The following LARP1B variants were observed in gnomAD, a reference collection of about 807,000 sequenced individuals.
LARP1B encodes the protein La ribonucleoprotein 1B.
A neutral mutation model predicts 114.2 loss-of-function variants in LARP1B; 76 were observed. The ratio of observed to expected loss-of-function variants is 0.67; its 90% CI spans 0.55 to 0.81. LARP1B has a LOEUF of 0.81. Ranked by LOEUF, LARP1B falls within the 30% of genes least tolerant of loss-of-function variation. LARP1B has a pLI of 0.00. For missense variants in LARP1B, 1,014 were observed against 1,075.8 expected (o/e 0.94, Z 0.80); for synonymous variants, 345 against 348.0 (o/e 0.99, Z 0.10).
At chr4:128,060,859 G>T (rs934821258), upstream of LARP1B, among the ~76,000 whole-genome samples, 1 of 152,204 alleles carries the variant, frequency 6.6e-6, no homozygotes, top group African/African-American at 2.4e-5. Flanking sequence ...ACTTCACTTG[G>T]GAGCTGCCCC....
chr4:128,161,380 A>G (rs368799251), intron 11 of LARP1B, among the ~76,000 whole-genome samples: 1 of 152,292 alleles, frequency 6.6e-6, no homozygotes, highest in African/African-American at 2.4e-5. Flanking sequence ...AGCCTCCAGA[A>G]CCCCAGAGGC....
intron 12 of LARP1B, among the ~76,000 whole-genome samples, chr4:128,162,850 C>T (rs991389661): frequency 3.3e-5 from 5 of 152,114 alleles, no homozygotes; most frequent in African/African-American, 9.7e-5. Flanking sequence ...ACCTGCTATA[C>T]TTAATCATCT....
chr4:128,083,274 C>T (rs1771381119), intron 5 of LARP1B, among the ~76,000 whole-genome samples: 1 of 152,076 alleles, frequency 6.6e-6, no homozygotes, highest in Non-Finnish European at 1.5e-5. Flanking sequence ...CCTTTCCCCC[C>T]TTTCTATTCC....
downstream of LARP1B, among the ~76,000 whole-genome samples, chr4:128,212,149 G>C (rs559708451): frequency 5.3e-5 from 8 of 151,968 alleles, no homozygotes; most frequent in Admixed American, 4.6e-4. Flanking sequence ...CTGGTCTCAA[G>C]TGATCCACCT....
intron 7 of LARP1B, 36 bp from the exon 8 acceptor site, chr4:128,098,150 T>C (rs1778757289): frequency 4.0e-6 from 6 of 1,492,050 alleles, no homozygotes; most frequent in Non-Finnish European, 5.6e-6. Flanking sequence ...TATTTCCTAC[T>C]AAATAAATGG....
At chr4:128,204,167 C>G (rs973709239) in intron 17 of LARP1B, among the ~76,000 whole-genome samples, 1 of 151,732 alleles carries the variant, frequency 6.6e-6, no homozygotes, top group African/African-American at 2.4e-5. Context: ...CTATATTCCT[C>G]TAAAATATGA....
At chr4:128,150,625 T>G (rs767340247) in intron 11 of LARP1B, among the ~76,000 whole-genome samples, 1 of 151,928 alleles carries the variant, frequency 6.6e-6, no homozygotes, top group East Asian at 1.9e-4. Context: ...TGACTTCTTA[T>G]TTTAAGGCAG....
chr4:128,158,283 G>T (rs1348661798), intron 11 of LARP1B, among the ~76,000 whole-genome samples: 2 of 152,084 alleles, frequency 1.3e-5, no homozygotes, highest in Admixed American at 1.3e-4. Context: ...AATCAGTAAG[G>T]TTATACAAAA....
chr4:128,108,799 G>C (rs562843335), intron 9 of LARP1B: 2 of 984,702 alleles, frequency 2.0e-6, no homozygotes, highest in East Asian at 2.3e-4. Context: ...AGATAAAATA[G>C]CATATACTTT....
intron 7 of LARP1B, chr4:128,220,492 A>G: frequency 1.4e-5 from 3 of 209,528 alleles, no homozygotes; most frequent in Non-Finnish European, 2.5e-5. Flanking sequence ...TGGTGATATC[A>G]TATAATTATA....
intron 15 of LARP1B, among the ~76,000 whole-genome samples, chr4:128,196,533 T>G (rs149598349): frequency 3.9e-4 from 59 of 150,692 alleles, no homozygotes; most frequent in African/African-American, 1.4e-3. Context: ...AAATAAAAAG[T>G]AAAAAAGAAT....
At chr4:128,067,750 C>T (rs1037148869) in intron 1 of LARP1B, among the ~76,000 whole-genome samples, 26 of 151,200 alleles carry the variant, frequency 1.7e-4, no homozygotes, top group Non-Finnish European at 1.0e-4. Flanking sequence ...GCCTTGCTCT[C>T]GTCGCTCAAG....
rs1747572345 is a variant in LARP1B, at chr4:128,179,410, C to T, written c.1901C>T (p.Pro634Leu). Reference protein sequence around the residue: ...KEPKAIDVKSPRKRKTRHSTN... With the variant: ...KEPKAIDVKSLRKRKTRHSTN... ...GCTTGACTTTATTTTCTTTAGAGTC[C>T]AAGAAAGAGAAAAACAAGGCATAGC... Residue 634 changes from proline to leucine, a missense_variant, in exon 15 of 20, where the codon CCA (proline) becomes CTA (leucine). Transcript: ENST00000326639. The T allele has an allele frequency of 1.9e-6, 3 of 1,596,492 alleles. No homozygotes were observed. The highest frequency in any genetic ancestry group is 2.6e-6 in the Non-Finnish European group (3 of 1,171,786).
At chr4:128,130,001 T>C (rs901813393) in intron 11 of LARP1B, among the ~76,000 whole-genome samples, 1 of 152,106 alleles carries the variant, frequency 6.6e-6, no homozygotes, top group African/African-American at 2.4e-5. Flanking sequence ...AAAGAAATAA[T>C]AAGCTAGAAT....
In LARP1B at chr4:128,065,299, T is replaced by TC. The variant is rs1561011259; in HGVS notation, c.-78+3898_-78+3899insC. ...TTTCTTTCTTTCTTTCTTTCTTTCT[T>TC]TCTTTCTTTCTTTCTTTCTCTCTCT... is the stretch of plus-strand genomic sequence containing the variant. On this transcript the variant is annotated intron_variant, in intron 1 of 19. Transcript: ENST00000326639. 1.5e-3 allele frequency among the ~76,000 whole-genome samples: 191 copies of TC among 128,146 alleles called. 2 individuals are homozygous for TC. The Middle Eastern group carries it at 0.028, about 19-fold the overall frequency. 84.1% of individuals were successfully genotyped at this position (128,146 alleles called of 152,430 possible).
intron 11 of LARP1B, among the ~76,000 whole-genome samples, chr4:128,140,112 T>G (rs1727338196): frequency 6.6e-6 from 1 of 152,196 alleles, no homozygotes; most frequent in Non-Finnish European, 1.5e-5. Flanking sequence ...CATGTCGAAA[T>G]AGATTATTTA....
chr4:128,066,165 CTT>C (rs59927866), intron 1 of LARP1B, among the ~76,000 whole-genome samples: 2 of 99,172 alleles, frequency 2.0e-5, no homozygotes, highest in African/African-American at 3.8e-5. Context: ...TTTCTTTCTT[CTT>C]TTTTTTTTTT....
intron 15 of LARP1B, among the ~76,000 whole-genome samples, chr4:128,193,010 T>A (rs900999703): frequency 2.4e-4 from 36 of 152,196 alleles, no homozygotes; most frequent in Admixed American, 1.9e-3. Flanking sequence ...TTTAAAAAAA[T>A]TTTTGTTGCG....
intron 15 of LARP1B, among the ~76,000 whole-genome samples, chr4:128,182,043 A>C (rs1360627593): frequency 7.0e-6 from 1 of 143,394 alleles, no homozygotes; most frequent in African/African-American, 2.6e-5. Context: ...CAATCTCCTG[A>C]TCTCGTGATC....
Sources: allele counts gnomAD v4.1 joint callset (sites outside exome capture counted in the v4.1 genomes callset), GRCh38; gene constraint gnomAD v4.1.1; transcripts MANE v1.5; gene names NCBI Gene and HGNC (gene_info 2026-07-23, HGNC 2026-07-21).